The following PTPRK variants were observed in gnomAD, a reference collection of about 807,000 sequenced individuals.
The protein encoded by PTPRK is receptor-type tyrosine-protein phosphatase kappa.
Under a neutral mutation model 178.0 loss-of-function variants are expected in PTPRK, and 75 were observed. That is an observed-to-expected ratio of 0.42 (90% CI 0.35 to 0.51). PTPRK has a LOEUF of 0.51. Ranked by LOEUF, PTPRK falls within the 20% of genes least tolerant of loss-of-function variation. The pLI, the probability that PTPRK is intolerant of heterozygous loss-of-function variation, is 0.02. For synonymous variants in PTPRK, 637 were observed against 620.6 expected (o/e 1.03, Z -0.39); for missense variants, 1,441 against 1,797.8 (o/e 0.80, Z 3.59).
chr6:128,225,839 G>A (rs1443451832), intron 5 of PTPRK, among the ~76,000 whole-genome samples: 1 of 152,092 alleles, frequency 6.6e-6, no homozygotes, highest in Non-Finnish European at 1.5e-5. Context: ...ATCTGGCAAT[G>A]GAAGGATGGA....
At chr6:128,461,042 TA>T (rs1848990459) in intron 1 of PTPRK, among the ~76,000 whole-genome samples, 1 of 152,182 alleles carries the variant, frequency 6.6e-6, no homozygotes, top group South Asian at 2.1e-4. Flanking sequence ...GGAAAGAAAT[TA>T]TTTTTTAAAA....
At chr6:128,308,151 C>T (rs1562255790) in intron 3 of PTPRK, among the ~76,000 whole-genome samples, 1 of 151,250 alleles carries the variant, frequency 6.6e-6, no homozygotes, top group Non-Finnish European at 1.5e-5. Context: ...AATCGAGTAG[C>T]CAAAAAATAT....
intron 1 of PTPRK, among the ~76,000 whole-genome samples, chr6:128,406,281 A>T (rs549064232): frequency 1.3e-5 from 2 of 151,844 alleles, no homozygotes; most frequent in South Asian, 2.1e-4. Flanking sequence ...TATATATATA[A>T]AACTTTATCT....
chr6:128,122,171 T>G (rs1318089870), intron 7 of PTPRK, among the ~76,000 whole-genome samples: 3 of 152,126 alleles, frequency 2.0e-5, no homozygotes, highest in Admixed American at 1.3e-4. Flanking sequence ...AGTTTATAAG[T>G]TTTTACATTA....
chr6:128,303,857 T>G (rs1194955520), intron 3 of PTPRK, among the ~76,000 whole-genome samples: 2 of 152,234 alleles, frequency 1.3e-5, no homozygotes. Flanking sequence ...TTCCAAGGGC[T>G]GATTATTTCA....
At chr6:128,393,060 CA>C (rs1190256307) in intron 2 of PTPRK, among the ~76,000 whole-genome samples, 2 of 138,430 alleles carry the variant, frequency 1.4e-5, no homozygotes, top group Non-Finnish European at 1.6e-5. Flanking sequence ...AAATAAAACA[CA>C]AAAAAATATG....
chr6:128,218,566 C>T (rs950278237), intron 6 of PTPRK, among the ~76,000 whole-genome samples: 2 of 152,106 alleles, frequency 1.3e-5, no homozygotes, highest in Admixed American at 1.3e-4. Flanking sequence ...CACAATGCTT[C>T]AAAGAAAAGT....
At chr6:128,303,007 T>A (rs1056944728) in intron 3 of PTPRK, among the ~76,000 whole-genome samples, 2 of 151,938 alleles carry the variant, frequency 1.3e-5, no homozygotes, top group African/African-American at 4.8e-5. Flanking sequence ...TCAAATAACT[T>A]ATGTATCAAA....
chr6:128,268,492 C>T (rs1019143263), intron 3 of PTPRK, among the ~76,000 whole-genome samples: 3 of 151,988 alleles, frequency 2.0e-5, no homozygotes, highest in Admixed American at 2.0e-4. Context: ...TATGATTTCG[C>T]CTTTCTTGGG....
chr6:128,166,375 C>T (rs1403596407), intron 7 of PTPRK, among the ~76,000 whole-genome samples: 7 of 151,620 alleles, frequency 4.6e-5, no homozygotes, highest in East Asian at 3.9e-4. Flanking sequence ...CCCAGCTCAA[C>T]CAGCTAATAG....
intron 1 of PTPRK, among the ~76,000 whole-genome samples, chr6:128,480,356 T>C (rs1411349880): frequency 6.6e-6 from 1 of 152,100 alleles, no homozygotes; most frequent in African/African-American, 2.4e-5. Flanking sequence ...AAATTCCCTG[T>C]AATCTTCAGT....
rs546324815 is a variant in PTPRK, at chr6:127,973,288, T to C, written c.4134-131A>G. On this transcript the variant is annotated intron_variant, in intron 28 of 29. Transcript: ENST00000368226. Reference sequence around the variant, plus strand: ...TTCCATTTGTGTCTTAATTTTGCTTTATATGTGTACAAGGCAGAGAGGAGA... The same window carrying C: ...TTCCATTTGTGTCTTAATTTTGCTTCATATGTGTACAAGGCAGAGAGGAGA... 137 of 1,444,800 alleles carry C rather than the reference T, an allele frequency of 9.5e-5. No homozygotes were observed. In the African/African-American group the frequency reaches 1.8e-3, roughly 19 times the overall value. 89.5% of individuals were successfully genotyped at this position (1,444,800 alleles called of 1,614,324 possible).
At chr6:128,269,674 T>C (rs555259093) in intron 3 of PTPRK, among the ~76,000 whole-genome samples, 3 of 152,144 alleles carry the variant, frequency 2.0e-5, no homozygotes, top group South Asian at 2.1e-4. Context: ...GAGAATGGCA[T>C]ATAGAAATCC....
intron 1 of PTPRK, among the ~76,000 whole-genome samples, chr6:128,472,228 C>A (rs758477209): frequency 6.6e-5 from 10 of 152,004 alleles, no homozygotes; most frequent in Non-Finnish European, 1.5e-4. Flanking sequence ...CTCATTAATT[C>A]TGTGTTTTAT....
chr6:128,098,669 A>C (rs931402172), intron 7 of PTPRK, among the ~76,000 whole-genome samples: 2 of 152,164 alleles, frequency 1.3e-5, no homozygotes, highest in African/African-American at 4.8e-5. Flanking sequence ...TAATATCTTC[A>C]TTCGGTAAAT....
At chr6:128,146,519 C>T (rs1443235569) in intron 7 of PTPRK, among the ~76,000 whole-genome samples, 1 of 151,578 alleles carries the variant, frequency 6.6e-6, no homozygotes, top group Non-Finnish European at 1.5e-5. Flanking sequence ...TCTTGGTTCA[C>T]TGCAACCTCT....
chr6:128,457,654 T>C (rs993961871), intron 1 of PTPRK, among the ~76,000 whole-genome samples: 4 of 152,128 alleles, frequency 2.6e-5, no homozygotes, highest in Non-Finnish European at 4.4e-5. Flanking sequence ...CCACAATACT[T>C]AGCCACATCT....
chr6:128,298,670 C>T (rs555899533), intron 3 of PTPRK, among the ~76,000 whole-genome samples: 90 of 152,150 alleles, frequency 5.9e-4, no homozygotes, highest in Non-Finnish European at 1.1e-3. Flanking sequence ...AATTCAATAA[C>T]CCTTCATGCT....
At chr6:128,063,912 C>T (rs1222931625) in intron 13 of PTPRK, among the ~76,000 whole-genome samples, 2 of 152,018 alleles carry the variant, frequency 1.3e-5, no homozygotes, top group Non-Finnish European at 2.9e-5. Context: ...TGATTTTTAC[C>T]CCAAATGAAT....
Sources: allele counts gnomAD v4.1 joint callset (sites outside exome capture counted in the v4.1 genomes callset), GRCh38; gene constraint gnomAD v4.1.1; transcripts MANE v1.5; gene names NCBI Gene and HGNC (gene_info 2026-07-23, HGNC 2026-07-21).